SETBP1: variants seen among roughly 807,000 people sequenced by gnomAD.
The protein encoded by SETBP1 is SET binding protein 1, also known as SET-binding protein.
A neutral mutation model predicts 101.0 loss-of-function variants in SETBP1; 9 were observed. The observed-to-expected ratio is 0.09, with a 90% CI of 0.05 to 0.16. The LOEUF is 0.16. SETBP1 is among the 10% of genes least tolerant of loss of function. The probability of loss-of-function intolerance (pLI) is 1.00; values close to 1 mark genes in which losing one functional copy is unlikely to be tolerated. For synonymous variants in SETBP1, 818 were observed against 788.5 expected (o/e 1.04, Z -0.63); for missense variants, 1,858 against 2,033.8 (o/e 0.91, Z 1.66).
chr18:45,024,777 G>T (rs887771647), intron 4 of SETBP1, among the ~76,000 whole-genome samples: 1 of 152,206 alleles, frequency 6.6e-6, no homozygotes, highest in African/African-American at 2.4e-5. Flanking sequence ...AGGGTTGAAA[G>T]AAATGCACTG....
chr18:44,942,360 C>G (rs1188008980), intron 3 of SETBP1, among the ~76,000 whole-genome samples: 3 of 152,180 alleles, frequency 2.0e-5, no homozygotes, highest in Non-Finnish European at 4.4e-5. Flanking sequence ...ATCTTACCTT[C>G]AAGTGAAGAC....
At position 44,950,618 on chromosome 18, in the gene SETBP1, G is replaced by A. The variant is rs746854996; in HGVS notation, c.1278G>A (p.Ala426=). 2.3e-5 allele frequency: 37 copies of A among 1,614,102 alleles called. No individual in the cohort carries two copies. The East Asian group carries it at 3.6e-4, about 16-fold the overall frequency. Residue 426 remains alanine (A), a synonymous_variant, in exon 4 of 6, where the codon GCG becomes GCA. Coordinates refer to ENST00000649279, the MANE Select transcript of SETBP1 (RefSeq NM_015559.3). Reference sequence around the variant, plus strand: ...GGAAAAAAAGACAGTCCATTAAAGCGGTGGTGGAAAAGATCATGCCAGAGA... The same window carrying A: ...GGAAAAAAAGACAGTCCATTAAAGCAGTGGTGGAAAAGATCATGCCAGAGA... The part of the protein sequence containing the change: ...HKRKKRQSIK[A]VVEKIMPEKA...
intron 2 of SETBP1, among the ~76,000 whole-genome samples, chr18:44,787,988 A>G (rs1420479148): frequency 6.6e-6 from 1 of 150,728 alleles, no homozygotes; most frequent in Non-Finnish European, 1.5e-5. Flanking sequence ...ACTTGTATAC[A>G]TTAGTTTATT....
chr18:44,951,558 G>A lies in SETBP1; in HGVS notation c.2218G>A (p.Glu740Lys), dbSNP rs765618997. Residue 740 changes from glutamate (E) to lysine (K), a missense_variant, in exon 4 of 6, where the codon GAA (glutamate) becomes AAA (lysine). Coordinates refer to ENST00000649279, the MANE Select transcript of SETBP1 (RefSeq NM_015559.3). This position sits in a 1 kb window ranked among gnomAD's most constrained non-coding sequence, Gnocchi z 7.8. ...AAGAGCAGAGCTGCCACCCCCATCC[G>A]AAGAACCCAAAACAGCCATCAAGCA... The part of the protein sequence containing the change: ...KPRAELPPPS[E>K]EPKTAIKHPR... 44 of 1,613,914 alleles carry A rather than the reference G, an allele frequency of 2.7e-5. No homozygotes were observed. Among genetic ancestry groups the A allele is most frequent in the South Asian group, 1.6e-4 (15 of 91,070 alleles).
intron 3 of SETBP1, among the ~76,000 whole-genome samples, chr18:44,935,364 G>A (rs1055047360): frequency 6.6e-6 from 1 of 152,192 alleles, no homozygotes; most frequent in South Asian, 2.1e-4. Context: ...ATGCGGTAAA[G>A]AGGAAAAGGA....
At chr18:44,879,832 G>A (rs578124010) in intron 3 of SETBP1, among the ~76,000 whole-genome samples, 2 of 152,240 alleles carry the variant, frequency 1.3e-5, no homozygotes, top group South Asian at 4.1e-4. Context: ...TTCATTGACT[G>A]CTTCCTTCTC....
intron 1 of SETBP1, among the ~76,000 whole-genome samples, chr18:44,686,038 GTTCTCCA>G (rs1350591567): frequency 6.6e-6 from 1 of 152,152 alleles, no homozygotes; most frequent in South Asian, 2.1e-4. Context: ...TGAGGGGGAG[GTTCTCCA>G]TCAAGAAACC....
At chr18:44,715,060 A>T (rs1230527834) in intron 2 of SETBP1, among the ~76,000 whole-genome samples, 1 of 151,886 alleles carries the variant, frequency 6.6e-6, no homozygotes, top group East Asian at 1.9e-4. Context: ...GGTGTTTGGG[A>T]CTCAAACCCT....
chr18:45,027,254 C>T (rs1374839689), intron 4 of SETBP1, among the ~76,000 whole-genome samples: 2 of 152,140 alleles, frequency 1.3e-5, no homozygotes, highest in African/African-American at 4.8e-5. Context: ...ATTAAGAAGG[C>T]AAGAACTAGC....
chr18:44,844,347 A>ACG (rs35857171), intron 2 of SETBP1, among the ~76,000 whole-genome samples: 45,440 of 117,220 alleles, frequency 0.39, 7,180 homozygotes, highest in South Asian at 0.51. Context: ...ACGTGCACAC[A>ACG]CGCGCGCACA....
chr18:44,727,006 G>A (rs2069722207), intron 2 of SETBP1, among the ~76,000 whole-genome samples: 1 of 152,134 alleles, frequency 6.6e-6, no homozygotes, highest in South Asian at 2.1e-4. Flanking sequence ...AATAAAAGAG[G>A]TGGACAGCTT....
chr18:44,905,951 C>A (rs571163226), intron 3 of SETBP1, among the ~76,000 whole-genome samples: 1 of 152,180 alleles, frequency 6.6e-6, no homozygotes, highest in Non-Finnish European at 1.5e-5. Context: ...CCTCCACAAC[C>A]TTTTAGCCAC....
chr18:45,008,133 A>G (rs2072767402), intron 4 of SETBP1, among the ~76,000 whole-genome samples: 1 of 152,216 alleles, frequency 6.6e-6, no homozygotes, highest in South Asian at 2.1e-4. Context: ...CTCTCTAGAT[A>G]TCCTTATTTG....
At chr18:44,873,864 A>G (rs2069335776) in intron 3 of SETBP1, among the ~76,000 whole-genome samples, 1 of 152,228 alleles carries the variant, frequency 6.6e-6, no homozygotes, top group South Asian at 2.1e-4. Flanking sequence ...TGTACCTGTT[A>G]CCCAGTTTCA....
At chr18:45,043,025 G>A (rs536306660) in intron 5 of SETBP1, among the ~76,000 whole-genome samples, 9 of 152,266 alleles carry the variant, frequency 5.9e-5, no homozygotes, top group African/African-American at 1.9e-4. Context: ...TCAAAGTGAG[G>A]CATAATTTGA....
At chr18:45,044,205 C>T (rs2073565350) in intron 5 of SETBP1, among the ~76,000 whole-genome samples, 2 of 152,152 alleles carry the variant, frequency 1.3e-5, no homozygotes, top group African/African-American at 4.8e-5. Flanking sequence ...TTGAAGAAGT[C>T]TCCAAATTGT....
chr18:45,036,752 TTAGG>T (rs1402648361), intron 4 of SETBP1, among the ~76,000 whole-genome samples: 1 of 152,216 alleles, frequency 6.6e-6, no homozygotes, highest in East Asian at 1.9e-4. Context: ...ACTGTCTTCC[TTAGG>T]TAGTTACAGA....
chr18:45,055,759 G>C (rs529899135), intron 5 of SETBP1, among the ~76,000 whole-genome samples: 3 of 152,202 alleles, frequency 2.0e-5, no homozygotes, highest in African/African-American at 4.8e-5. Flanking sequence ...TTGAAACTTG[G>C]CAAACCATCC....
intron 4 of SETBP1, among the ~76,000 whole-genome samples, chr18:44,985,091 A>G (rs1449150271): frequency 3.3e-5 from 5 of 152,178 alleles, no homozygotes; most frequent in Non-Finnish European, 2.9e-5. Context: ...CAGTGAGCGG[A>G]GATCATGCCA....
Sources: allele counts gnomAD v4.1 joint callset (sites outside exome capture counted in the v4.1 genomes callset), GRCh38; gene constraint gnomAD v4.1.1; non-coding constraint Gnocchi (gnomAD v3.1); transcripts MANE v1.5; gene names NCBI Gene and HGNC (gene_info 2026-07-23, HGNC 2026-07-21).